Variants in ATP6V1H observed in about 807,000 individuals in gnomAD.
ATP6V1H encodes ATPase H+ transporting V1 subunit H.
In ATP6V1H, 39 loss-of-function variants were observed where a neutral mutation model predicts 71.7. The ratio of observed to expected loss-of-function variants is 0.54; its 90% CI spans 0.42 to 0.71. The LOEUF is 0.71. Among genes scored for constraint, ATP6V1H ranks in the 30% least tolerant of loss-of-function variants. The pLI, the probability that ATP6V1H is intolerant of heterozygous loss-of-function variation, is 0.00. For synonymous variants in ATP6V1H, 192 were observed against 199.3 expected, an observed-to-expected ratio of 0.96 and a Z score of 0.31; for missense variants, 509 against 594.9, an observed-to-expected ratio of 0.86 and a Z score of 1.50.
chr8:53,787,816 A>G (rs1809433043), intron 9 of ATP6V1H, among the ~76,000 whole-genome samples: 1 of 152,204 alleles, frequency 6.6e-6, no homozygotes, highest in Non-Finnish European at 1.5e-5. Context: ...AGCATGCACT[A>G]TGAATAAGTG....
intron 13 of ATP6V1H, among the ~76,000 whole-genome samples, chr8:53,736,646 A>AG (rs1807213930): frequency 6.6e-6 from 1 of 151,486 alleles, no homozygotes; most frequent in Admixed American, 6.6e-5. Context: ...TTGCTAGCTT[A>AG]GTTCATCAGA....
At chr8:53,728,045 G>C (rs1271576514) in intron 13 of ATP6V1H, among the ~76,000 whole-genome samples, 1 of 152,188 alleles carries the variant, frequency 6.6e-6, no homozygotes, top group Non-Finnish European at 1.5e-5. Flanking sequence ...CTCATCTCTA[G>C]AGTGATCTAA....
At chr8:53,765,720 A>G (rs866993123) in intron 11 of ATP6V1H, among the ~76,000 whole-genome samples, 9 of 152,200 alleles carry the variant, frequency 5.9e-5, no homozygotes, top group African/African-American at 2.2e-4. Flanking sequence ...TGATTTACAG[A>G]TTCAATGCAA....
chr8:53,729,896 C>G (rs1300985517), intron 13 of ATP6V1H, among the ~76,000 whole-genome samples: 14 of 152,142 alleles, frequency 9.2e-5, no homozygotes, highest in Admixed American at 9.2e-4. Flanking sequence ...GGAGAGACAA[C>G]TGGCCAATGA....
intron 9 of ATP6V1H, among the ~76,000 whole-genome samples, chr8:53,776,083 C>T (rs1808875350): frequency 6.6e-6 from 1 of 152,198 alleles, no homozygotes; most frequent in East Asian, 1.9e-4. Flanking sequence ...TCGAGCGCAG[C>T]GCCGGTGGGC....
chr8:53,766,496 T>C (rs942198807), intron 11 of ATP6V1H, among the ~76,000 whole-genome samples: 9 of 152,218 alleles, frequency 5.9e-5, no homozygotes, highest in African/African-American at 2.2e-4. Context: ...ATAATAGCAA[T>C]TGTTCAGGGA....
chr8:53,719,830 T>C (rs1462359172), intron 13 of ATP6V1H, among the ~76,000 whole-genome samples: 4 of 152,196 alleles, frequency 2.6e-5, no homozygotes, highest in Admixed American at 2.6e-4. Flanking sequence ...CTGGTCCTAT[T>C]CTATTCCAGA....
At chr8:53,841,089 G>A (rs538606300) in intron 2 of ATP6V1H, among the ~76,000 whole-genome samples, 41 of 152,292 alleles carry the variant, frequency 2.7e-4, no homozygotes, top group African/African-American at 9.9e-4. Context: ...TTGAGCCTCA[G>A]AGAAGTTAAG....
rs904058442 is a variant in ATP6V1H at position 53,817,454 on chromosome 8, G to A, written c.383C>T (p.Pro128Leu). ...GAAGGGATCCTGGCGATTCAACATT[G>A]GCAGAAAGTAGGGCCACGCAGTGTT... ...SKNTAWPYFL[P>L]MLNRQDPFTV... Residue 128 changes from proline (P) to leucine (L), a missense_variant, in exon 5 of 14, where the codon CCA (proline) becomes CTA (leucine). By Grantham distance (98) the Pro-to-Leu change is moderately conservative. This residue lies in a region of ATP6V1H where 297 missense variants were observed against 303.3 expected (regional missense o/e 0.98). Transcript: ENST00000359530. The A allele has an allele frequency of 4.3e-6, 7 of 1,613,248 alleles. No homozygotes were observed. Among genetic ancestry groups the A allele is most frequent in the Non-Finnish European group, 5.9e-6 (7 of 1,179,386 alleles).
intron 11 of ATP6V1H, among the ~76,000 whole-genome samples, chr8:53,758,461 C>T (rs575190171): frequency 2.0e-5 from 3 of 152,282 alleles, no homozygotes; most frequent in East Asian, 1.9e-4. Context: ...TCATTACCCT[C>T]GTGTTCCTGG....
intron 12 of ATP6V1H, among the ~76,000 whole-genome samples, chr8:53,750,151 T>C (rs1214592669): frequency 3.9e-5 from 6 of 152,226 alleles, no homozygotes; most frequent in Non-Finnish European, 4.4e-5. Context: ...TTTTGTGTCA[T>C]TGCATTTATT....
intron 2 of ATP6V1H, among the ~76,000 whole-genome samples, chr8:53,840,135 G>C (rs1191585451): frequency 2.6e-5 from 4 of 152,132 alleles, no homozygotes; most frequent in Non-Finnish European, 5.9e-5. Flanking sequence ...ATTTCCAAGG[G>C]GTAGAATTAC....
chr8:53,840,341 C>G (rs1811302233), intron 2 of ATP6V1H, among the ~76,000 whole-genome samples: 1 of 151,784 alleles, frequency 6.6e-6, no homozygotes. Context: ...ACTAAAAATA[C>G]AAAAAAATTA....
At chr8:53,767,981 T>G (rs975966057) in intron 11 of ATP6V1H, among the ~76,000 whole-genome samples, 1 of 152,198 alleles carries the variant, frequency 6.6e-6, no homozygotes, top group Admixed American at 6.5e-5. Flanking sequence ...AAGGACACTA[T>G]CAACAAAGTG....
Position 53,796,495 on chromosome 8 carries a change from A to G in ATP6V1H, c.678-656T>C, listed in dbSNP as rs1191830697. ...GGGAATACCTACATTCAAAGAATAG[A>G]GTTCAGAAATCATCAAATAAAAAAA... On this transcript the variant is annotated intron_variant, in intron 8 of 13. Transcript: ENST00000359530. Among the ~76,000 whole-genome samples the G allele has an allele frequency of 3.3e-5, 5 of 150,022 alleles. No homozygotes were observed. In the East Asian group the frequency reaches 1.0e-3, roughly 30 times the overall value.
In ATP6V1H at chr8:53,743,618, A is replaced by G. The variant is rs1807493354; in HGVS notation, c.1350T>C (p.Tyr450=). ...GCTTCTGCACGGCCAGCAGAGCATT[A>G]TAGCGGACCTGCTGGTCTTCATGAT... The part of the protein sequence containing the change: ...HMHHEDQQVR[Y]NALLAVQKLM... The change falls in exon 13 of 14, where the codon TAT becomes TAC. Residue 450 remains tyrosine, a synonymous_variant. Transcript: ENST00000359530. 1 of 1,614,050 alleles carries G rather than the reference A, an allele frequency of 6.2e-7. No individual in the cohort carries two copies. Among genetic ancestry groups the G allele is most frequent in the Non-Finnish European group, 8.5e-7 (1 of 1,180,020 alleles).
intron 13 of ATP6V1H, among the ~76,000 whole-genome samples, chr8:53,736,458 T>C (rs1490592887): frequency 6.6e-6 from 1 of 152,154 alleles, no homozygotes; most frequent in African/African-American, 2.4e-5. Context: ...GCCCACAAGT[T>C]CAAGCTTCTA....
intron 9 of ATP6V1H, among the ~76,000 whole-genome samples, chr8:53,786,521 G>A (rs369476624): frequency 4.6e-5 from 7 of 152,084 alleles, no homozygotes; most frequent in Admixed American, 1.3e-4. Context: ...TTTGGCTCAC[G>A]CACTGTGCGC....
chr8:53,764,547 CA>C (rs529327898), intron 11 of ATP6V1H, among the ~76,000 whole-genome samples: 25 of 143,988 alleles, frequency 1.7e-4, no homozygotes, highest in South Asian at 2.2e-4. Context: ...AGATGATGTG[CA>C]AAAAAAAAAA....
Sources: allele counts gnomAD v4.1 joint callset (sites outside exome capture counted in the v4.1 genomes callset), GRCh38; gene constraint gnomAD v4.1.1; regional missense constraint gnomAD v4.1.1; transcripts MANE v1.5; gene names NCBI Gene and HGNC (gene_info 2026-07-23, HGNC 2026-07-21).